Variants in GLI3 observed in about 807,000 individuals in gnomAD.
The protein encoded by GLI3 is transcription activator GLI3.
GLI3 carries 20 observed loss-of-function variants against 100.8 expected under a neutral mutation model. That is an observed-to-expected ratio of 0.20 (90% CI 0.14 to 0.29). The LOEUF is 0.29. Among genes scored for constraint, GLI3 ranks in the 10% least tolerant of loss-of-function variants. The pLI, the probability that GLI3 is intolerant of heterozygous loss-of-function variation, is 1.00. For missense variants in GLI3, 2,040 were observed against 2,128.5 expected (o/e 0.96, Z 0.82); for synonymous variants, 938 against 860.5 (o/e 1.09, Z -1.58).
At chr7:42,191,696 A>C (rs10951674) in intron 2 of GLI3, among the ~76,000 whole-genome samples, 21,964 of 151,572 alleles carry the variant, frequency 0.14, 2,091 homozygotes, top group Non-Finnish European at 0.22. Flanking sequence ...ACACATACTA[A>C]CTGCCAGAAA....
At chr7:42,052,053 C>T (rs1425916738) in intron 4 of GLI3, among the ~76,000 whole-genome samples, 1 of 152,200 alleles carries the variant, frequency 6.6e-6, no homozygotes, top group African/African-American at 2.4e-5. Flanking sequence ...CATAGTTTTG[C>T]CTTTTCCAGA....
At chr7:41,970,500 C>T (rs946580142) in intron 13 of GLI3, among the ~76,000 whole-genome samples, 1 of 151,992 alleles carries the variant, frequency 6.6e-6, no homozygotes, top group African/African-American at 2.4e-5. Context: ...AGGTTGGTGC[C>T]AAAGTAACTG....
chr7:42,130,383 A>G (rs894867835), intron 3 of GLI3, among the ~76,000 whole-genome samples: 5 of 152,230 alleles, frequency 3.3e-5, no homozygotes, highest in African/African-American at 9.6e-5. Flanking sequence ...ACCAATATCA[A>G]CAAGAAAAAC....
rs1282193273 is a variant in GLI3, at chr7:42,082,157, AGAG to A, written c.368-5303_368-5301del. Among the ~76,000 whole-genome samples, 3 of 152,036 alleles carry A rather than the reference AGAG, an allele frequency of 2.0e-5. No homozygotes were observed. In the East Asian group the frequency reaches 5.9e-4, roughly 30 times the overall value. Reference sequence around the variant, plus strand: ...AGGTCTCAAGCAGGAGAGGGAGAGAAGAGGAGAGACAGAATGAGAGATCCGACT... The same window carrying A: ...AGGTCTCAAGCAGGAGAGGGAGAGAAGAGAGACAGAATGAGAGATCCGACT... On this transcript the variant is annotated intron_variant, in intron 3 of 14. Transcript: ENST00000395925.
chr7:41,965,604 C>G lies in GLI3; in HGVS notation c.3469G>C (p.Asp1157His). 1.2e-6 allele frequency: 2 copies of G among 1,607,462 alleles called. No individual in the cohort carries two copies. The highest frequency in any genetic ancestry group is 1.7e-6 in the Non-Finnish European group (2 of 1,174,750). The change falls in exon 15 of 15, where the codon GAC becomes CAC. Residue 1157 changes from aspartate (D) to histidine (H), a missense_variant. Physicochemically the swap from Asp to His is moderately conservative, Grantham distance 81. Coordinates refer to ENST00000395925, the MANE Select transcript of GLI3 (RefSeq NM_000168.6). ...EQPCPEGSKTDLPIQWNEVSS... is the reference protein window; with the variant it reads ...EQPCPEGSKTHLPIQWNEVSS... ...ACTTCGTTCCACTGAATGGGCAGGT[C>G]GGTTTTGCTGCCCTCGGGGCAGGGC...
chr7:42,253,415 C>A (rs1263846969), intron 1 of GLI3, among the ~76,000 whole-genome samples: 1 of 152,198 alleles, frequency 6.6e-6, no homozygotes, highest in East Asian at 1.9e-4. Flanking sequence ...TGGGGATACA[C>A]CCTTAGACCT....
intron 3 of GLI3, among the ~76,000 whole-genome samples, chr7:42,127,974 G>C (rs376103931): frequency 2.1e-4 from 30 of 145,004 alleles, no homozygotes; most frequent in Admixed American, 9.3e-4. Flanking sequence ...AGCCATGATC[G>C]AGCCACCACA....
In GLI3 at chr7:42,004,579, G is replaced by A. The variant is rs148106305; in HGVS notation, c.1497+18889C>T. Among the ~76,000 whole-genome samples the A allele has an allele frequency of 3.2e-3, 490 of 151,564 alleles. 5 individuals are homozygous for A. The highest frequency in any genetic ancestry group is 0.011 in the African/African-American group (438 of 41,266). On this transcript the variant is annotated intron_variant, in intron 10 of 14. Coordinates refer to ENST00000395925, the MANE Select transcript of GLI3 (RefSeq NM_000168.6). Reference sequence around the variant, plus strand: ...AGAAATGAAATATGAGGTAAATCAAGGTAGAAAGCTCAGAAAATGAAAAAA... The same window carrying A: ...AGAAATGAAATATGAGGTAAATCAAAGTAGAAAGCTCAGAAAATGAAAAAA...
At chr7:42,105,833 G>A (rs144751749) in intron 3 of GLI3, among the ~76,000 whole-genome samples, 3 of 152,106 alleles carry the variant, frequency 2.0e-5, no homozygotes, top group African/African-American at 4.8e-5. Flanking sequence ...TCTGTCTCTC[G>A]TAAACAAGCA....
chr7:41,970,074 C>G (rs1167134340), intron 13 of GLI3, among the ~76,000 whole-genome samples: 3 of 151,736 alleles, frequency 2.0e-5, no homozygotes, highest in Non-Finnish European at 2.9e-5. Flanking sequence ...ACCACAAAAA[C>G]TAAAGAAAAA....
At chr7:42,149,444 G>T (rs1274793608) in intron 2 of GLI3, among the ~76,000 whole-genome samples, 1 of 152,176 alleles carries the variant, frequency 6.6e-6, no homozygotes, top group African/African-American at 2.4e-5. Flanking sequence ...GCAGATCAAA[G>T]AACCCATGCA....
chr7:42,156,672 C>T (rs374666963), intron 2 of GLI3, among the ~76,000 whole-genome samples: 2 of 152,276 alleles, frequency 1.3e-5, no homozygotes, highest in East Asian at 3.9e-4. Flanking sequence ...TGGGAATGAT[C>T]CTATCACTCT....
chr7:42,032,372 T>A (rs949043670), intron 7 of GLI3, among the ~76,000 whole-genome samples: 2 of 152,208 alleles, frequency 1.3e-5, no homozygotes, highest in African/African-American at 4.8e-5. Flanking sequence ...GTGATGTAAG[T>A]CAACATTTGT....
chr7:42,132,253 A>ACCACGC (rs1470028486), intron 3 of GLI3, among the ~76,000 whole-genome samples: 5,072 of 151,362 alleles, frequency 0.034, 249 homozygotes, highest in African/African-American at 0.1. Flanking sequence ...GGCGCCCGCC[A>ACCACGC]CTACGCCCGG....
chr7:42,188,536 G>A (rs1787764589), intron 2 of GLI3, among the ~76,000 whole-genome samples: 1 of 152,096 alleles, frequency 6.6e-6, no homozygotes, highest in Non-Finnish European at 1.5e-5. Flanking sequence ...AAAAAGAAAA[G>A]TAAAACATGA....
At chr7:42,238,013 C>CCTCCTCCTT (rs1788863522), upstream of GLI3, 1 of 159,602 alleles carries the variant, frequency 6.3e-6, no homozygotes, top group African/African-American at 2.7e-5. Context: ...GCCTCCTCCT[C>CCTCCTCCTT]CTCCTCCTCC....
intron 2 of GLI3, 103 bp downstream of exon 2, chr7:42,223,027 T>A: frequency 7.3e-7 from 1 of 1,360,680 alleles, no homozygotes; most frequent in Non-Finnish European, 1.0e-6. Context: ...TAGCGTCTCC[T>A]AGAACAAACA....
chr7:42,012,042 C>T (rs892567938), intron 10 of GLI3, among the ~76,000 whole-genome samples: 2 of 152,072 alleles, frequency 1.3e-5, no homozygotes, highest in African/African-American at 4.8e-5. Flanking sequence ...CCTCACCGCT[C>T]GTGCCTCTGA....
At chr7:42,025,968 G>A (rs1157830029) in intron 8 of GLI3, among the ~76,000 whole-genome samples, 1 of 152,214 alleles carries the variant, frequency 6.6e-6, no homozygotes, top group African/African-American at 2.4e-5. Flanking sequence ...CAAGCAGCCT[G>A]CTGCTATGCC....
Sources: allele counts gnomAD v4.1 joint callset (sites outside exome capture counted in the v4.1 genomes callset), GRCh38; gene constraint gnomAD v4.1.1; transcripts MANE v1.5; gene names NCBI Gene and HGNC (gene_info 2026-07-23, HGNC 2026-07-21).